Variants in GRM7 observed in about 807,000 individuals in gnomAD.
GRM7 encodes the protein metabotropic glutamate receptor 7.
In GRM7, 35 loss-of-function variants were observed where a neutral mutation model predicts 84.5. That is an observed-to-expected ratio of 0.41 (90% CI 0.32 to 0.55). The LOEUF is 0.55. Among genes scored for constraint, GRM7 ranks in the 20% least tolerant of loss-of-function variants. The probability of loss-of-function intolerance (pLI) is 0.19; values close to 1 mark genes in which losing one functional copy is unlikely to be tolerated. For synonymous variants in GRM7, 487 were observed against 455.1 expected (o/e 1.07, Z -0.89); for missense variants, 1,003 against 1,194.6 (o/e 0.84, Z 2.36).
intron 1 of GRM7, among the ~76,000 whole-genome samples, chr3:6,923,838 T>C (rs1245954137): frequency 2.6e-5 from 4 of 152,226 alleles, no homozygotes; most frequent in African/African-American, 9.6e-5. Context: ...ACCTCTTTAA[T>C]GGCTGAACAC....
intron 9 of GRM7, among the ~76,000 whole-genome samples, chr3:7,696,590 A>T (rs1003080509): frequency 6.6e-6 from 1 of 152,182 alleles, no homozygotes; most frequent in Non-Finnish European, 1.5e-5. Flanking sequence ...TAAACAGAAC[A>T]CTTCCAAGCA....
chr3:7,332,483 T>C (rs1388713011), intron 4 of GRM7, among the ~76,000 whole-genome samples: 2 of 152,210 alleles, frequency 1.3e-5, no homozygotes, highest in Non-Finnish European at 2.9e-5. Context: ...TTTGAAATCA[T>C]GGAGTATGTC....
At chr3:6,965,438 C>T (rs561809671) in intron 1 of GRM7, among the ~76,000 whole-genome samples, 15 of 152,146 alleles carry the variant, frequency 9.9e-5, no homozygotes, top group Admixed American at 2.6e-4. Context: ...CCGTCTTAGC[C>T]TCCCCAGTAG....
intron 1 of GRM7, among the ~76,000 whole-genome samples, chr3:6,900,660 T>C (rs764816261): frequency 5.3e-5 from 8 of 152,154 alleles, no homozygotes; most frequent in Non-Finnish European, 1.2e-4. Context: ...AAAGGGAATG[T>C]GTTGGCTGAA....
At chr3:7,155,955 C>T (rs7624462) in intron 2 of GRM7, among the ~76,000 whole-genome samples, 90,230 of 152,092 alleles carry the variant, frequency 0.59, 28,676 homozygotes, top group African/African-American at 0.83. Flanking sequence ...ACTTAAACCA[C>T]ATTGTCCATA....
intron 1 of GRM7, among the ~76,000 whole-genome samples, chr3:7,019,369 G>A (rs925548807): frequency 2.6e-5 from 4 of 152,122 alleles, no homozygotes; most frequent in Non-Finnish European, 5.9e-5. Flanking sequence ...TTGGACAAAT[G>A]CATGATGTCG....
chr3:6,875,239 A>G (rs1195058661), intron 1 of GRM7, among the ~76,000 whole-genome samples: 3 of 148,790 alleles, frequency 2.0e-5, no homozygotes, highest in Non-Finnish European at 4.5e-5. Flanking sequence ...TTTTTTTTAG[A>G]TTATTTCATA....
chr3:6,877,228 T>C (rs901736357), intron 1 of GRM7, among the ~76,000 whole-genome samples: 3 of 152,156 alleles, frequency 2.0e-5, no homozygotes, highest in Non-Finnish European at 4.4e-5. Context: ...CTGGTACTGG[T>C]TTGCCTGCTA....
chr3:7,595,097 C>T (rs776641664), intron 8 of GRM7, among the ~76,000 whole-genome samples: 6 of 152,144 alleles, frequency 3.9e-5, no homozygotes, highest in Admixed American at 1.3e-4. Context: ...TTACAAATAT[C>T]GACTTTGTGC....
chr3:7,627,479 T>G (rs184719282), intron 8 of GRM7, among the ~76,000 whole-genome samples: 9 of 152,290 alleles, frequency 5.9e-5, no homozygotes, highest in Admixed American at 5.9e-4. Context: ...GGTAAGGAAT[T>G]TTCCTTTGTA....
chr3:7,022,354 T>A (rs909133328), intron 1 of GRM7, among the ~76,000 whole-genome samples: 11 of 116,366 alleles, frequency 9.5e-5, no homozygotes, highest in African/African-American at 5.9e-4. Context: ...AATATATATA[T>A]ATACACACAC....
chr3:6,889,945 C>A (rs922450164), intron 1 of GRM7, among the ~76,000 whole-genome samples: 3 of 152,156 alleles, frequency 2.0e-5, no homozygotes, highest in African/African-American at 7.2e-5. Context: ...TCAACTTCTT[C>A]CTGGTTTAGT....
At chr3:7,280,415 T>C (rs1199640170) in intron 2 of GRM7, among the ~76,000 whole-genome samples, 2 of 152,222 alleles carry the variant, frequency 1.3e-5, no homozygotes, top group African/African-American at 4.8e-5. Flanking sequence ...AAATGTGTCA[T>C]AAAATTTTTA....
intron 1 of GRM7, among the ~76,000 whole-genome samples, chr3:7,133,085 T>A (rs1693657318): frequency 6.6e-6 from 1 of 152,132 alleles, no homozygotes; most frequent in African/African-American, 2.4e-5. Flanking sequence ...TGTAACGGAC[T>A]CAGCACTGCA....
chr3:7,730,926 C>T (rs1702307716), intron 9 of GRM7, among the ~76,000 whole-genome samples: 1 of 152,106 alleles, frequency 6.6e-6, no homozygotes, highest in Non-Finnish European at 1.5e-5. Flanking sequence ...CAAAGTAAAA[C>T]ATATACACCA....
rs535244948 is a variant in GRM7, at chr3:7,290,768, C to A, written c.737-7916C>A. ...CCCCAAAATGCTCTCTACATTCTGG[C>A]TGCTGAAAACTTCTGGGGGTGTTCA... is the stretch of plus-strand genomic sequence containing the variant. On this transcript the variant is annotated intron_variant, in intron 2 of 9. Transcript: ENST00000357716. Among the ~76,000 whole-genome samples the A allele has an allele frequency of 5.6e-4, 85 of 152,274 alleles. 1 individual carries two copies. Among genetic ancestry groups the A allele is most frequent in the Non-Finnish European group, 9.7e-4 (66 of 68,016 alleles).
chr3:7,657,947 G>A (rs1699275657), intron 8 of GRM7, among the ~76,000 whole-genome samples: 1 of 152,172 alleles, frequency 6.6e-6, no homozygotes, highest in African/African-American at 2.4e-5. Context: ...GTGAGGCTTA[G>A]AGAGAGCATT....
intron 9 of GRM7, among the ~76,000 whole-genome samples, chr3:7,701,906 C>G (rs1201876273): frequency 6.6e-6 from 1 of 152,146 alleles, no homozygotes. Context: ...ATCTTCGTCA[C>G]CAAGCCTATG....
intron 6 of GRM7, among the ~76,000 whole-genome samples, chr3:7,453,949 A>G (rs1328454096): frequency 6.6e-6 from 1 of 152,102 alleles, no homozygotes; most frequent in African/African-American, 2.4e-5. Context: ...GGAAGGTTAG[A>G]ATGCTGCCTT....
Sources: allele counts gnomAD v4.1 joint callset (sites outside exome capture counted in the v4.1 genomes callset), GRCh38; gene constraint gnomAD v4.1.1; transcripts MANE v1.5; gene names NCBI Gene and HGNC (gene_info 2026-07-23, HGNC 2026-07-21).